ARFGAP1: variants seen among roughly 807,000 people sequenced by gnomAD.
The protein encoded by ARFGAP1 is ADP-ribosylation factor GTPase-activating protein 1.
In ARFGAP1, 26 loss-of-function variants were observed where a neutral mutation model predicts 54.0. The observed-to-expected ratio is 0.48, with a 90% CI of 0.35 to 0.67. The LOEUF is 0.67. Among genes scored for constraint, ARFGAP1 ranks in the 30% least tolerant of loss-of-function variants. ARFGAP1 has a pLI of 0.00. For synonymous variants in ARFGAP1, 248 were observed against 211.9 expected (o/e 1.17, Z -1.48); for missense variants, 525 against 535.8 (o/e 0.98, Z 0.20).
chr20:63,275,719 T>C, intron 2 of ARFGAP1, 79 bp downstream of exon 2: 1 of 1,411,340 alleles, frequency 7.1e-7, no homozygotes, highest in Non-Finnish European at 1.0e-6. Context: ...TCTGAGCCTG[T>C]AGTTCTGGGA....
At position 63,278,332 on chromosome 20, in the gene ARFGAP1, G is replaced by C. The variant is rs1238130765; in HGVS notation, c.530+129G>C. The stretch of plus-strand genomic sequence containing the variant: ...TGGGACCCAGGCATGCGCGGTGCAG[G>C]GTCTGATTGCAGTGAGTCCCAGCCA... On this transcript the variant is annotated intron_variant, in intron 6 of 12. Transcript: ENST00000370283. The C allele has an allele frequency of 3.3e-6, 3 of 920,276 alleles. No individual in the cohort carries two copies. In the East Asian group the frequency reaches 7.7e-5, roughly 24 times the overall value. The allele number at this position is 920,276 out of a possible 1,614,324, so 57.0% of individuals were successfully genotyped here. A position where few individuals can be genotyped will look rare whatever the true frequency, so the allele number is the denominator to read the frequency against.
At chr20:63,285,039 TCA>T in intron 10 of ARFGAP1, 117 bp downstream of exon 10, 10 of 1,220,458 alleles carry the variant, frequency 8.2e-6, no homozygotes, top group African/African-American at 1.5e-5. Context: ...AGGCCAAGCC[TCA>T]CACCCCACCT....
intron 9 of ARFGAP1, 95 bp from the exon 10 acceptor site, chr20:63,284,768 TGAA>T: frequency 6.4e-7 from 1 of 1,555,210 alleles, no homozygotes; most frequent in Non-Finnish European, 8.7e-7. Flanking sequence ...CTCCTGCTGG[TGAA>T]GCTCGTGCTG....
chr20:63,277,184 T>C (rs376810831), intron 4 of ARFGAP1, 21 bp from the exon 5 acceptor site: 85 of 1,606,486 alleles, frequency 5.3e-5, no homozygotes, highest in Non-Finnish European at 6.8e-5. Context: ...TGCTCTCGAA[T>C]GCCCTGTGTC....
chr20:63,282,616 C>A (rs1461403045), intron 8 of ARFGAP1, among the ~76,000 whole-genome samples: 6 of 152,196 alleles, frequency 3.9e-5, no homozygotes, highest in African/African-American at 1.2e-4. Context: ...TGGCCTCCCT[C>A]TAGGGAGAGG....
chr20:63,281,916 G>GC (rs1356564931), intron 8 of ARFGAP1, among the ~76,000 whole-genome samples: 1 of 152,134 alleles, frequency 6.6e-6, no homozygotes, highest in Non-Finnish European at 1.5e-5. Flanking sequence ...GCGCGGGGCA[G>GC]CTGGGTGCCT....
chr20:63,282,272 G>A (rs1214811947), intron 8 of ARFGAP1, among the ~76,000 whole-genome samples: 7 of 152,248 alleles, frequency 4.6e-5, no homozygotes, highest in South Asian at 2.1e-4. Context: ...CAGGGCCGCC[G>A]TTTTCTCGTC....
At chr20:63,286,035 G>C in intron 11 of ARFGAP1, 1 of 1,547,284 alleles carries the variant, frequency 6.5e-7, no homozygotes, top group Non-Finnish European at 8.7e-7. Context: ...CATTTGGGGC[G>C]TGCATTTTGT....
rs1017659504 is a variant in ARFGAP1, at chr20:63,286,457, C to T, written c.911+15C>T. On this transcript the variant is annotated intron_variant, in intron 12 of 12. Transcript: ENST00000370283. ...CCCTTGGACAGGTATGCTGTGTCCC[C>T]TCCTGGGCCTTGCATCCCACTCCCC... 1 of 1,610,858 alleles carries T rather than the reference C, an allele frequency of 6.2e-7. No homozygotes were observed. Among genetic ancestry groups the T allele is most frequent in the Non-Finnish European group, 8.5e-7 (1 of 1,178,456 alleles).
Position 63,275,614 on chromosome 20 carries a change from G to C in ARFGAP1, c.34G>C (p.Glu12Gln), listed in dbSNP as rs369926167. 1 of 1,613,810 alleles carries C rather than the reference G, an allele frequency of 6.2e-7. No individual in the cohort carries two copies. The highest frequency in any genetic ancestry group is 1.3e-5 in the African/African-American group (1 of 74,942). ...CCCAAGAACCAGGAAGGTTCTTAAA[G>C]AAGTCAGGGTGCAGGATGAGAACAA... ...ASPRTRKVLK[E>Q]VRVQDENNVC... The change falls in exon 2 of 13, where the codon GAA becomes CAA. Residue 12 changes from glutamate to glutamine, a missense_variant. Glu to Gln is a conservative substitution (Grantham distance 29, BLOSUM62 2). Coordinates refer to ENST00000370283, the MANE Select transcript of ARFGAP1 (RefSeq NM_018209.4).
intron 6 of ARFGAP1, 29 bp downstream of exon 6, chr20:63,278,232 G>A: frequency 6.2e-7 from 1 of 1,608,734 alleles, no homozygotes. Context: ...GGGACGCCTG[G>A]CGTGGGCCAG....
chr20:63,275,084 C>T (rs927116603), intron 1 of ARFGAP1, among the ~76,000 whole-genome samples: 3 of 152,194 alleles, frequency 2.0e-5, no homozygotes, highest in African/African-American at 7.2e-5. Flanking sequence ...CGGGAGCCTC[C>T]CTGCACTGCG....
At chr20:63,278,375 G>A (rs2067287179) in intron 6 of ARFGAP1, 172 bp downstream of exon 6, 2 of 632,188 alleles carry the variant, frequency 3.2e-6, no homozygotes, top group South Asian at 1.8e-5. Context: ...GTGAATTGGG[G>A]GTCTTGGGTG....
intron 7 of ARFGAP1, chr20:63,279,236 T>A: frequency 1.7e-6 from 1 of 594,438 alleles, no homozygotes; most frequent in South Asian, 1.5e-5. Context: ...TCTTGCTTTG[T>A]CGCCCAGGCT....
chr20:63,286,264 C>T (rs773439702), intron 11 of ARFGAP1, 102 bp from the exon 12 acceptor site: 51 of 1,572,412 alleles, frequency 3.2e-5, no homozygotes, highest in Non-Finnish European at 4.2e-5. Flanking sequence ...TTGCCTGGGT[C>T]TTCTCAGCGG....
At chr20:63,283,700 G>T in intron 9 of ARFGAP1, 2 of 765,122 alleles carry the variant, frequency 2.6e-6, no homozygotes, top group Non-Finnish European at 4.3e-6. Flanking sequence ...CCAGGGCAGG[G>T]AGCGGCTGCT....
chr20:63,282,754 CT>C, intron 8 of ARFGAP1, 64 bp from the exon 9 acceptor site: 2 of 1,576,624 alleles, frequency 1.3e-6, no homozygotes, highest in Non-Finnish European at 1.7e-6. Context: ...TCTGTGGGCC[CT>C]GAGGAAGGAT....
chr20:63,280,706 C>T (rs2067358009), intron 7 of ARFGAP1, among the ~76,000 whole-genome samples: 1 of 152,190 alleles, frequency 6.6e-6, no homozygotes, highest in African/African-American at 2.4e-5. Flanking sequence ...TTTTTGTGGC[C>T]CTTCCTTCTG....
intron 4 of ARFGAP1, 67 bp from the exon 5 acceptor site, chr20:63,277,138 G>T: frequency 7.0e-7 from 1 of 1,424,848 alleles, no homozygotes; most frequent in East Asian, 2.4e-5. Flanking sequence ...GTGCGCTGGA[G>T]TCGACGGTGC....
Sources: gnomAD v4.1 joint callset for allele counts (sites outside exome capture counted in the v4.1 genomes callset) on GRCh38, gnomAD v4.1.1 for gene constraint, MANE v1.5 for transcripts, NCBI Gene and HGNC (gene_info 2026-07-23, HGNC 2026-07-21) for gene names.